The following PTPRM variants were observed in gnomAD, a reference collection of about 807,000 sequenced individuals.
PTPRM encodes the protein receptor-type tyrosine-protein phosphatase mu.
In PTPRM, 47 loss-of-function variants were observed where a neutral mutation model predicts 186.7. The ratio of observed to expected loss-of-function variants is 0.25; its 90% CI spans 0.20 to 0.32. The LOEUF is 0.32. PTPRM is among the 10% of genes least tolerant of loss of function. The probability of loss-of-function intolerance (pLI) is 1.00; values close to 1 mark genes in which losing one functional copy is unlikely to be tolerated. For synonymous variants in PTPRM, 668 were observed against 674.9 expected (o/e 0.99, Z 0.16); for missense variants, 1,494 against 1,865.0 (o/e 0.80, Z 3.66).
intron 2 of PTPRM, among the ~76,000 whole-genome samples, chr18:7,793,291 C>T (rs150396975): frequency 1.3e-3 from 192 of 152,254 alleles, no homozygotes; most frequent in Non-Finnish European, 2.1e-3. Flanking sequence ...CTCTGAGCCT[C>T]GGTTTATTCG....
At position 8,272,220 on chromosome 18, in the gene PTPRM, AAAAG is replaced by A. The variant is rs1325098872; in HGVS notation, c.2754+18822_2754+18825del. On this transcript the variant is annotated intron_variant, in intron 19 of 32. Transcript: ENST00000580170. ...GACTCTGCCTCAATAAAAAAAAAAA[AAAAG>A]AAAGAAAGAAAGAAAAAAGAAAAAG... Among the ~76,000 whole-genome samples, 14 of 151,536 alleles carry A rather than the reference AAAAG, an allele frequency of 9.2e-5. No homozygotes were observed. In the South Asian group the frequency reaches 1.2e-3, roughly 13 times the overall value.
At chr18:8,392,537 G>T (rs964654103) in intron 31 of PTPRM, among the ~76,000 whole-genome samples, 2 of 151,968 alleles carry the variant, frequency 1.3e-5, no homozygotes, top group Non-Finnish European at 2.9e-5. Flanking sequence ...TGAGGCAGGA[G>T]AATGGCGTGA....
chr18:7,710,506 C>T (rs1036911798), intron 1 of PTPRM, among the ~76,000 whole-genome samples: 10 of 152,108 alleles, frequency 6.6e-5, no homozygotes, highest in African/African-American at 9.7e-5. Context: ...TGCCCACTTT[C>T]GCCACTCCTA....
intron 10 of PTPRM, 108 bp from the exon 11 acceptor site, chr18:8,088,641 A>G: frequency 1.2e-6 from 1 of 866,940 alleles, no homozygotes; most frequent in East Asian, 2.5e-5. Context: ...GCTGCAATGT[A>G]AAGTAAATGC....
intron 7 of PTPRM, among the ~76,000 whole-genome samples, chr18:7,967,892 A>G (rs1319008598): frequency 1.2e-5 from 1 of 85,758 alleles, no homozygotes; most frequent in Non-Finnish European, 2.1e-5. Context: ...GCAGGATATT[A>G]TCCAGGAGAA....
intron 11 of PTPRM, among the ~76,000 whole-genome samples, chr18:8,105,650 A>G (rs141090747): frequency 1.3e-3 from 204 of 152,156 alleles, no homozygotes; most frequent in Non-Finnish European, 2.3e-3. Flanking sequence ...GATTCTCTGC[A>G]TGGGATCAGA....
intron 14 of PTPRM, among the ~76,000 whole-genome samples, chr18:8,239,932 T>C (rs544714060): frequency 4.3e-4 from 65 of 152,326 alleles, no homozygotes; most frequent in African/African-American, 1.4e-3. Flanking sequence ...GAGATTAAAA[T>C]ATTTTCGGCA....
At chr18:8,100,148 G>A (rs918482183) in intron 11 of PTPRM, among the ~76,000 whole-genome samples, 1 of 151,868 alleles carries the variant, frequency 6.6e-6, no homozygotes. Flanking sequence ...GTGTGTGTGT[G>A]TATGTGTGGA....
chr18:7,889,018 A>G (rs1464236635), intron 3 of PTPRM, among the ~76,000 whole-genome samples: 1 of 152,158 alleles, frequency 6.6e-6, no homozygotes, highest in African/African-American at 2.4e-5. Context: ...TGTGCTCACT[A>G]CCTGGGTGAC....
intron 20 of PTPRM, among the ~76,000 whole-genome samples, chr18:8,306,369 G>C (rs779778422): frequency 9.2e-5 from 14 of 152,180 alleles, no homozygotes; most frequent in African/African-American, 1.9e-4. Flanking sequence ...GTGAGTTGTA[G>C]AGCCAGCATC....
rs558674963 is a variant in PTPRM at position 7,842,293 on chromosome 18, C to T, written c.197-45813C>T. ...GTTCTGGGCAAAATGGTTGTCACCC[C>T]GATAATAACTAACATGCTTTGATCA... On this transcript the variant is annotated intron_variant, in intron 2 of 32. Coordinates refer to ENST00000580170, the MANE Select transcript of PTPRM (RefSeq NM_001105244.2). Among the ~76,000 whole-genome samples, 348 of 152,226 alleles carry T rather than the reference C, an allele frequency of 2.3e-3. 2 individuals carry two copies. Among genetic ancestry groups the T allele is most frequent in the African/African-American group, 7.4e-3 (307 of 41,536 alleles).
At chr18:7,717,665 C>T (rs1416794681) in intron 1 of PTPRM, among the ~76,000 whole-genome samples, 1 of 152,228 alleles carries the variant, frequency 6.6e-6, no homozygotes, top group Non-Finnish European at 1.5e-5. Context: ...CATCTGTGGA[C>T]AGCAGCGTTA....
chr18:7,950,819 C>T (rs1197752405), intron 6 of PTPRM, among the ~76,000 whole-genome samples: 1 of 152,098 alleles, frequency 6.6e-6, no homozygotes, highest in African/African-American at 2.4e-5. Flanking sequence ...ACCTGCCCAC[C>T]TATTGTCTCC....
At chr18:7,860,618 G>A (rs111328931) in intron 2 of PTPRM, among the ~76,000 whole-genome samples, 38 of 152,180 alleles carry the variant, frequency 2.5e-4, no homozygotes, top group Middle Eastern at 3.4e-3. Flanking sequence ...TTTTCCTCTC[G>A]TTTATCTTGT....
chr18:7,926,079 G>C (rs2051156878), intron 4 of PTPRM, among the ~76,000 whole-genome samples: 1 of 152,172 alleles, frequency 6.6e-6, no homozygotes, highest in African/African-American at 2.4e-5. Context: ...CATAAGTAAT[G>C]CTGCATACCA....
At chr18:8,115,633 G>A (rs1019380132) in intron 13 of PTPRM, among the ~76,000 whole-genome samples, 1 of 152,172 alleles carries the variant, frequency 6.6e-6, no homozygotes, top group Non-Finnish European at 1.5e-5. Context: ...CATGAATACA[G>A]TGGGAAGTTC....
chr18:8,025,972 T>C (rs2085546365), intron 7 of PTPRM, among the ~76,000 whole-genome samples: 1 of 152,190 alleles, frequency 6.6e-6, no homozygotes, highest in Non-Finnish European at 1.5e-5. Flanking sequence ...TTTCAGTGAA[T>C]GTGTGTGAAG....
intron 32 of PTPRM, chr18:8,403,961 A>C (rs1443430299): frequency 1.3e-5 from 2 of 152,232 alleles, no homozygotes; most frequent in African/African-American, 2.4e-5. Context: ...TTATTGATGT[A>C]CATTTGAGTT....
intron 1 of PTPRM, among the ~76,000 whole-genome samples, chr18:7,673,241 A>G (rs920497479): frequency 3.3e-5 from 5 of 152,216 alleles, no homozygotes; most frequent in Non-Finnish European, 7.3e-5. Flanking sequence ...ATAGGCAGGC[A>G]AGTTCATAGA....
Sources: gnomAD v4.1 joint callset for allele counts (sites outside exome capture counted in the v4.1 genomes callset) on GRCh38, gnomAD v4.1.1 for gene constraint, MANE v1.5 for transcripts, NCBI Gene and HGNC (gene_info 2026-07-23, HGNC 2026-07-21) for gene names.